Variants in GABBR1 observed in about 807,000 individuals in gnomAD.
GABBR1 encodes the protein GABA-B receptor, R1 subunit.
Under a neutral mutation model 117.7 loss-of-function variants are expected in GABBR1, and 35 were observed. The observed-to-expected ratio is 0.30, with a 90% CI of 0.23 to 0.39. The LOEUF (loss-of-function observed/expected upper bound fraction) is 0.39. Among genes scored for constraint, GABBR1 ranks in the 10% least tolerant of loss-of-function variants. The probability of loss-of-function intolerance (pLI) is 1.00; values close to 1 mark genes in which losing one functional copy is unlikely to be tolerated. For synonymous variants in GABBR1, 442 were observed against 486.6 expected (o/e 0.91, Z 1.21); for missense variants, 709 against 1,241.8 (o/e 0.57, Z 6.45).
chr6:29,613,278 G>T lies in GABBR1; in HGVS notation c.1531C>A (p.Arg511=), dbSNP rs771699197. ...TCAAAGGACGAAGAGTTCATTGCCC[G>T]GTAGATTTGGTCGGTAATGGTCTGG... ...NNQTITDQIY[R]AMNSSSFEGV... Residue 511 remains arginine, a synonymous_variant, in exon 12 of 23, where the codon CGG becomes AGG. Coordinates refer to ENST00000377034, the MANE Select transcript of GABBR1 (RefSeq NM_001470.4). The surrounding 1 kb of genome is among the most constrained non-coding windows in gnomAD (Gnocchi z 4.1). The T allele has an allele frequency of 1.9e-6, 3 of 1,612,938 alleles. No homozygotes were observed. The highest frequency in any genetic ancestry group is 1.3e-5 in the African/African-American group (1 of 75,016).
Position 29,629,111 on chromosome 6 carries a change from G to A in GABBR1, c.476-4C>T. 6.2e-7 allele frequency: 1 copy of A among 1,612,974 alleles called. No individual in the cohort carries two copies. The highest frequency in any genetic ancestry group is 8.5e-7 in the Non-Finnish European group (1 of 1,180,000). ...CCTGAGTGTGGCGTTCGATTCACTG[G>A]CAGCAGGAAAGACGGGGATCAGAGA... On this transcript the variant is annotated splice_polypyrimidine_tract_variant and splice_region_variant and intron_variant, in intron 4 of 22. Transcript: ENST00000377034.
Position 29,630,810 on chromosome 6 carries a change from G to A in GABBR1, c.290-167C>T, listed in dbSNP as rs1764885705. 6.6e-6 allele frequency among the ~76,000 whole-genome samples: 1 copy of A among 151,978 alleles called. No individual in the cohort carries two copies. The highest frequency in any genetic ancestry group is 1.5e-5 in the Non-Finnish European group (1 of 68,010). ...TATCTTCCAATCCTCCCTTACCTGTGCAAGCATCCACACATTCCCAAAAGA... is the reference window on the plus strand; with the variant it reads ...TATCTTCCAATCCTCCCTTACCTGTACAAGCATCCACACATTCCCAAAAGA... On this transcript the variant is annotated intron_variant, in intron 3 of 22. Coordinates refer to ENST00000377034, the MANE Select transcript of GABBR1 (RefSeq NM_001470.4). The surrounding 1 kb of genome is among the most constrained non-coding windows in gnomAD (Gnocchi z 4.9).
In GABBR1 at chr6:29,613,117, G is replaced by A. The variant is rs1762724383; in HGVS notation, c.1566+126C>T. On this transcript the variant is annotated intron_variant, in intron 12 of 22. Coordinates refer to ENST00000377034, the MANE Select transcript of GABBR1 (RefSeq NM_001470.4). The surrounding 1 kb of genome is among the most constrained non-coding windows in gnomAD (Gnocchi z 4.1). ...TAATTTGAAGGTCCCTACTTCTCTG[G>A]TCGGAGACTGATTCTGCAAAGAAGT... 2 of 1,049,962 alleles carry A rather than the reference G, an allele frequency of 1.9e-6. No homozygotes were observed. The highest frequency in any genetic ancestry group is 4.3e-5 in the Admixed American group (2 of 46,928). The allele number at this position is 1,049,962 out of a possible 1,614,324, so 65.0% of individuals were successfully genotyped here.
Position 29,604,487 on chromosome 6 carries a change from C to T in GABBR1, c.2712+7G>A. 3 of 1,613,354 alleles carry T rather than the reference C, an allele frequency of 1.9e-6. No individual in the cohort carries two copies. In the South Asian group the frequency reaches 3.3e-5, roughly 18 times the overall value. On this transcript the variant is annotated splice_region_variant and intron_variant, in intron 22 of 22. Transcript: ENST00000377034. The surrounding 1 kb of genome is among the most constrained non-coding windows in gnomAD (Gnocchi z 5.3). ...CCAACACCCTACCCTGACACCCACC[C>T]CCGCACCTCAGCAATGATCTTTTCC... is the stretch of plus-strand genomic sequence containing the variant.
chr6:29,632,426 C>A lies in GABBR1; in HGVS notation c.1-41G>T, dbSNP rs1760141707. On this transcript the variant is annotated intron_variant, in intron 1 of 22. Coordinates refer to ENST00000377034, the MANE Select transcript of GABBR1 (RefSeq NM_001470.4). This position sits in a 1 kb window ranked among gnomAD's most constrained non-coding sequence, Gnocchi z 5.8. ...CCATGAGGACTGGACCGAGCCCCGC[C>A]GGCGCGGCCCGCACCCGGAGACTAC... The A allele has an allele frequency of 1.5e-6, 2 of 1,312,462 alleles. No individual in the cohort carries two copies. The highest frequency in any genetic ancestry group is 3.1e-5 in the African/African-American group (2 of 64,288). The allele number at this position is 1,312,462 out of a possible 1,614,324, so 81.3% of individuals were successfully genotyped here. A position where few individuals can be genotyped will look rare whatever the true frequency, so the allele number is the denominator to read the frequency against.
In GABBR1 at chr6:29,623,794, C is replaced by T. The variant is rs1457386476; in HGVS notation, c.792+96G>A. 1 of 1,425,846 alleles carries T rather than the reference C, an allele frequency of 7.0e-7. No individual in the cohort carries two copies. Among genetic ancestry groups the T allele is most frequent in the Non-Finnish European group, 9.6e-7 (1 of 1,044,104 alleles). 88.3% of individuals were successfully genotyped at this position (1,425,846 alleles called of 1,614,324 possible). On this transcript the variant is annotated intron_variant, in intron 7 of 22. Coordinates refer to ENST00000377034, the MANE Select transcript of GABBR1 (RefSeq NM_001470.4). The surrounding 1 kb of genome is among the most constrained non-coding windows in gnomAD (Gnocchi z 6.2). ...CTGAATCTTAGTAGCAGGTCCTCCA[C>T]ACTCCTTTTCAATACAAACCCACAA...
chr6:29,625,822 T>A (rs1764215491), intron 6 of GABBR1, among the ~76,000 whole-genome samples: 2 of 152,126 alleles, frequency 1.3e-5, no homozygotes, highest in South Asian at 4.1e-4. Flanking sequence ...TCTCTCCCTG[T>A]CATTTTCTTC....
Position 29,627,655 on chromosome 6 carries a change from G to C in GABBR1, c.497-9C>G. The C allele has an allele frequency of 6.5e-7, 1 of 1,543,338 alleles. No individual in the cohort carries two copies. Among genetic ancestry groups the C allele is most frequent in the East Asian group, 2.4e-5 (1 of 41,040 alleles). ...GTACACTGCGCGCCGTTCTGAGGAG[G>C]GGTGCGGGGGGACCCGCGAGTGAGG... On this transcript the variant is annotated splice_polypyrimidine_tract_variant and intron_variant, in intron 5 of 22. Coordinates refer to ENST00000377034, the MANE Select transcript of GABBR1 (RefSeq NM_001470.4). This position sits in a 1 kb window ranked among gnomAD's most constrained non-coding sequence, Gnocchi z 4.4.
chr6:29,606,306 G>T lies in GABBR1; in HGVS notation c.2311+85C>A. The T allele has an allele frequency of 1.1e-6, 1 of 918,228 alleles. No individual in the cohort carries two copies. Among genetic ancestry groups the T allele is most frequent in the Non-Finnish European group, 1.8e-6 (1 of 552,966 alleles). The allele number at this position is 918,228 out of a possible 1,614,324, so 56.9% of individuals were successfully genotyped here. ...CAAGCTCTCTACCTCCTCTTCCAAAGACCCCTCTCCCTCCAAGCCCTCTAC... is the reference window on the plus strand; with the variant it reads ...CAAGCTCTCTACCTCCTCTTCCAAATACCCCTCTCCCTCCAAGCCCTCTAC... On this transcript the variant is annotated intron_variant, in intron 19 of 22. Transcript: ENST00000377034. This position sits in a 1 kb window ranked among gnomAD's most constrained non-coding sequence, Gnocchi z 4.5.
intron 5 of GABBR1, chr6:29,628,062 A>C (rs1764519413): frequency 3.4e-6 from 3 of 884,516 alleles, no homozygotes; most frequent in East Asian, 2.5e-4. Flanking sequence ...TGGGGCTGGG[A>C]GGGGGCTCTG....
Position 29,632,604 on chromosome 6 carries a change from G to T in GABBR1, c.1-219C>A. 1 of 1,221,342 alleles carries T rather than the reference G, an allele frequency of 8.2e-7. No individual in the cohort carries two copies. Among genetic ancestry groups the T allele is most frequent in the Non-Finnish European group, 1.1e-6 (1 of 901,768 alleles). 75.7% of individuals were successfully genotyped at this position (1,221,342 alleles called of 1,614,324 possible). A position where few individuals can be genotyped will look rare whatever the true frequency, so the allele number is the denominator to read the frequency against. ...CCCCACCCTCCTCCTGCCTCCCTCG[G>T]CCCCCAACCCTCCCGGGACTCCACC... is the stretch of plus-strand genomic sequence containing the variant. On this transcript the variant is annotated intron_variant, in intron 1 of 22. Transcript: ENST00000377034. The surrounding 1 kb of genome is among the most constrained non-coding windows in gnomAD (Gnocchi z 5.8).
In GABBR1 at chr6:29,620,988, T is replaced by G; in HGVS notation, c.1323+113A>C. The G allele has an allele frequency of 1.2e-6, 1 of 847,386 alleles. No individual in the cohort carries two copies. Among genetic ancestry groups the G allele is most frequent in the Non-Finnish European group, 1.8e-6 (1 of 553,972 alleles). 52.5% of individuals were successfully genotyped at this position (847,386 alleles called of 1,614,324 possible). A position where few individuals can be genotyped will look rare whatever the true frequency, so the allele number is the denominator to read the frequency against. The stretch of plus-strand genomic sequence containing the variant: ...AGTTCAGGGTGGGCACAGCCCCCTC[T>G]TCTCCTTTATATCCAAATTCCGCAC... On this transcript the variant is annotated intron_variant, in intron 11 of 22. Transcript: ENST00000377034. The surrounding 1 kb of genome is among the most constrained non-coding windows in gnomAD (Gnocchi z 4.5).
chr6:29,605,485 ATCTAGCATTGATTCT>A lies in GABBR1; in HGVS notation c.2439+69_2439+83del. The stretch of plus-strand genomic sequence containing the variant: ...AAGACTTCTAAGCAACCGATCCCAG[ATCTAGCATTGATTCT>A]TCCTAGTCCTCTATATCTGGGCTGC... On this transcript the variant is annotated intron_variant, in intron 20 of 22. Coordinates refer to ENST00000377034, the MANE Select transcript of GABBR1 (RefSeq NM_001470.4). This position sits in a 1 kb window ranked among gnomAD's most constrained non-coding sequence, Gnocchi z 4.2. 6.6e-7 allele frequency: 1 copy of A among 1,512,522 alleles called. No individual in the cohort carries two copies. The highest frequency in any genetic ancestry group is 9.0e-7 in the Non-Finnish European group (1 of 1,111,270). The allele number at this position is 1,512,522 out of a possible 1,614,324, so 93.7% of individuals were successfully genotyped here. A position where few individuals can be genotyped will look rare whatever the true frequency, so the allele number is the denominator to read the frequency against.
chr6:29,625,993 A>G (rs887387485), intron 6 of GABBR1, among the ~76,000 whole-genome samples: 2 of 152,176 alleles, frequency 1.3e-5, no homozygotes, highest in African/African-American at 4.8e-5. Context: ...GTTAGCTTAC[A>G]GCTCAGGAAT....
rs914637421 is a variant in GABBR1 at position 29,632,919 on chromosome 6, G to A, written c.-70C>T. On this transcript the variant is annotated 5_prime_UTR_variant, in exon 1 of 23. Transcript: ENST00000377034. This position sits in a 1 kb window ranked among gnomAD's most constrained non-coding sequence, Gnocchi z 5.8. The stretch of plus-strand genomic sequence containing the variant: ...GCCCCAGGCCCGGCCGCTCCTCCCC[G>A]CTCCCCCCTCCCTTCTCCTCCACCT... 1.4e-5 allele frequency: 3 copies of A among 214,738 alleles called. No homozygotes were observed. Among genetic ancestry groups the A allele is most frequent in the Admixed American group, 6.5e-5 (1 of 15,342 alleles). The allele number at this position is 214,738 out of a possible 1,614,324, so 13.3% of individuals were successfully genotyped here.
rs1354963560 is a variant in GABBR1, at chr6:29,621,846, G to C, written c.1066-29C>G. 1 of 1,611,194 alleles carries C rather than the reference G, an allele frequency of 6.2e-7. No individual in the cohort carries two copies. The highest frequency in any genetic ancestry group is 8.5e-7 in the Non-Finnish European group (1 of 1,177,442). On this transcript the variant is annotated intron_variant, in intron 9 of 22. Coordinates refer to ENST00000377034, the MANE Select transcript of GABBR1 (RefSeq NM_001470.4). The surrounding 1 kb of genome is among the most constrained non-coding windows in gnomAD (Gnocchi z 5.0). Reference sequence around the variant, plus strand: ...CAACAGAGAAAGAAACAGCTCCTGAGGGATGCCCGGGAATGCCTGAGGGGC... The same window carrying C: ...CAACAGAGAAAGAAACAGCTCCTGACGGATGCCCGGGAATGCCTGAGGGGC...
chr6:29,604,502 T>C lies in GABBR1; in HGVS notation c.2704A>G (p.Ile902Val), dbSNP rs140401546. Reference protein sequence around the residue: ...EKENRELEKIIAEKEERVSEL... With the variant: ...EKENRELEKIVAEKEERVSEL... ...GACACCCACCCCCGCACCTCAGCAA[T>C]GATCTTTTCCAGTTCACGGTTCTCC... Residue 902 changes from isoleucine (I) to valine (V), a missense_variant, in exon 22 of 23, where the codon ATT (isoleucine) becomes GTT (valine). Around this residue, in one of 9 missense-constraint regions of GABBR1, gnomAD observed 251 missense variants for 445.3 expected, o/e 0.56. Coordinates refer to ENST00000377034, the MANE Select transcript of GABBR1 (RefSeq NM_001470.4). The surrounding 1 kb of genome is among the most constrained non-coding windows in gnomAD (Gnocchi z 5.3). The C allele has an allele frequency of 8.0e-5, 129 of 1,613,272 alleles. No homozygotes were observed. The Middle Eastern group carries it at 9.9e-4, about 12-fold the overall frequency.
chr6:29,614,753 G>A (rs1424603014), intron 11 of GABBR1, among the ~76,000 whole-genome samples: 4 of 152,114 alleles, frequency 2.6e-5, no homozygotes, highest in African/African-American at 7.2e-5. Flanking sequence ...TAGTAGATAC[G>A]TCTCATTATA....
chr6:29,617,934 A>G (rs1440507178), intron 11 of GABBR1, among the ~76,000 whole-genome samples: 5 of 152,198 alleles, frequency 3.3e-5, no homozygotes, highest in Non-Finnish European at 7.3e-5. Flanking sequence ...AAACAATCCA[A>G]TGAGGTGTTA....
Sources: allele counts gnomAD v4.1 joint callset (sites outside exome capture counted in the v4.1 genomes callset), GRCh38; gene constraint gnomAD v4.1.1; regional missense constraint gnomAD v4.1.1; non-coding constraint Gnocchi (gnomAD v3.1); transcripts MANE v1.5; gene names NCBI Gene and HGNC (gene_info 2026-07-23, HGNC 2026-07-21).